MFAP3L: variants seen among roughly 807,000 people sequenced by gnomAD.
MFAP3L encodes microfibril associated protein 3 like.
A neutral mutation model predicts 20.0 loss-of-function variants in MFAP3L; 5 were observed. The observed-to-expected ratio is 0.25, with a 90% CI of 0.13 to 0.53. The LOEUF is 0.53. Among genes scored for constraint, MFAP3L ranks in the 20% least tolerant of loss-of-function variants. MFAP3L has a pLI of 0.96. For missense variants in MFAP3L, 409 were observed against 527.5 expected (o/e 0.78, Z 2.20); for synonymous variants, 219 against 213.0 (o/e 1.03, Z -0.25).
At chr4:170,009,668 T>C (rs1163906253) in intron 1 of MFAP3L, among the ~76,000 whole-genome samples, 18 of 152,200 alleles carry the variant, frequency 1.2e-4, no homozygotes, top group Non-Finnish European at 4.4e-5. Flanking sequence ...TTTCTATAAA[T>C]AGAACAAAAG....
chr4:170,008,123 A>G (rs569164823), intron 1 of MFAP3L, among the ~76,000 whole-genome samples: 64 of 152,258 alleles, frequency 4.2e-4, no homozygotes, highest in African/African-American at 1.5e-3. Flanking sequence ...AACACAGCCA[A>G]CTGTTCTGAA....
intron 1 of MFAP3L, among the ~76,000 whole-genome samples, chr4:170,018,512 A>G (rs1351695761): frequency 6.6e-6 from 1 of 152,192 alleles, no homozygotes; most frequent in Non-Finnish European, 1.5e-5. Flanking sequence ...AGAGGCGGCC[A>G]TAACTTGGAG....
chr4:170,011,181 T>C (rs907291882), intron 1 of MFAP3L, among the ~76,000 whole-genome samples: 2 of 152,190 alleles, frequency 1.3e-5, no homozygotes, highest in African/African-American at 4.8e-5. Context: ...GTGAATCAAT[T>C]AGACTTCTTT....
chr4:169,997,887 T>C (rs1226530422), intron 2 of MFAP3L: 3 of 838,130 alleles, frequency 3.6e-6, no homozygotes, highest in Non-Finnish European at 4.3e-6. Flanking sequence ...CTGGTAACAC[T>C]GTTGGAAGGA....
Position 169,990,965 on chromosome 4 carries a change from C to A in MFAP3L, c.*413G>T. 1 of 171,336 alleles carries A rather than the reference C, an allele frequency of 5.8e-6. No homozygotes were observed. The highest frequency in any genetic ancestry group is 1.7e-4 in the East Asian group (1 of 5,906). 10.6% of individuals were successfully genotyped at this position (171,336 alleles called of 1,614,324 possible). A position where few individuals can be genotyped will look rare whatever the true frequency, so the allele number is the denominator to read the frequency against. On this transcript the variant is annotated 3_prime_UTR_variant, in exon 3 of 3. Transcript: ENST00000361618. ...AAACTGAGAAGAAACTGCAAAAAAC[C>A]CACGTACGTGCATTTGCTATTGTAG...
intron 1 of MFAP3L, among the ~76,000 whole-genome samples, chr4:170,023,186 C>T (rs766567036): frequency 2.0e-5 from 3 of 152,160 alleles, no homozygotes; most frequent in East Asian, 1.9e-4. Context: ...TTCATTTCCC[C>T]GCCTCCTCAG....
chr4:169,998,488 C>G (rs112484592), intron 2 of MFAP3L, among the ~76,000 whole-genome samples: 10,746 of 152,284 alleles, frequency 0.071, 542 homozygotes, highest in Middle Eastern at 0.11. Context: ...ACTGTAATCA[C>G]AGCTTTTCTC....
chr4:170,001,996 C>G (rs1304042537), intron 2 of MFAP3L: 1 of 985,310 alleles, frequency 1.0e-6, no homozygotes, highest in Non-Finnish European at 1.2e-6. Context: ...TGAAATTGCT[C>G]CTTTCCAGGC....
chr4:170,006,078 C>T (rs947967567), intron 1 of MFAP3L, 68 bp from the exon 2 acceptor site: 34 of 1,224,606 alleles, frequency 2.8e-5, no homozygotes, highest in African/African-American at 6.1e-5. Flanking sequence ...ACACTATAAA[C>T]GGTTAGCAAT....
intron 1 of MFAP3L, among the ~76,000 whole-genome samples, chr4:170,019,383 C>CA (rs1739890209): frequency 6.6e-6 from 1 of 151,868 alleles, no homozygotes; most frequent in Non-Finnish European, 1.5e-5. Flanking sequence ...TTCATGTCTA[C>CA]AAAAAAATTA....
chr4:170,000,638 C>A (rs1048130771), intron 2 of MFAP3L, among the ~76,000 whole-genome samples: 4 of 152,296 alleles, frequency 2.6e-5, no homozygotes, highest in Admixed American at 1.3e-4. Context: ...TTATTCTTCT[C>A]AATTTCCAAT....
chr4:170,022,436 C>T (rs529907526), intron 1 of MFAP3L, among the ~76,000 whole-genome samples: 22 of 152,212 alleles, frequency 1.4e-4, no homozygotes, highest in Non-Finnish European at 2.8e-4. Flanking sequence ...TCACATGACA[C>T]TGAGCTCATC....
At chr4:170,024,004 C>A (rs1281365565) in intron 1 of MFAP3L, among the ~76,000 whole-genome samples, 1 of 152,116 alleles carries the variant, frequency 6.6e-6, no homozygotes, top group Admixed American at 6.5e-5. Flanking sequence ...GAAATCTAAA[C>A]ACATGGAAAT....
At chr4:170,019,166 T>A (rs1739878844) in intron 1 of MFAP3L, among the ~76,000 whole-genome samples, 3 of 152,216 alleles carry the variant, frequency 2.0e-5, no homozygotes, top group Admixed American at 6.5e-5. Context: ...GTCTGGCCTT[T>A]GGAGAAGAAA....
chr4:169,998,708 T>A (rs1371341058), intron 2 of MFAP3L, among the ~76,000 whole-genome samples: 1 of 152,218 alleles, frequency 6.6e-6, no homozygotes, highest in African/African-American at 2.4e-5. Context: ...CAATGAGTGG[T>A]ATAAACAGAT....
At chr4:170,022,708 G>A (rs982851844) in intron 1 of MFAP3L, among the ~76,000 whole-genome samples, 1 of 152,222 alleles carries the variant, frequency 6.6e-6, no homozygotes, top group Non-Finnish European at 1.5e-5. Context: ...GTCAGCGTCA[G>A]AGTGATGCCC....
At chr4:170,006,886 G>C (rs998701496) in intron 1 of MFAP3L, 1 of 152,242 alleles carries the variant, frequency 6.6e-6, no homozygotes, top group African/African-American at 2.4e-5. Flanking sequence ...CTGTGTTACT[G>C]TTACTTACGG....
chr4:170,016,618 C>T (rs1048508057), intron 1 of MFAP3L, among the ~76,000 whole-genome samples: 4 of 152,306 alleles, frequency 2.6e-5, no homozygotes, highest in East Asian at 3.9e-4. Flanking sequence ...CTGTCGTTGC[C>T]GCTGTTTACT....
intron 1 of MFAP3L, 103 bp from the exon 2 acceptor site, chr4:170,006,113 T>TA: frequency 1.3e-6 from 1 of 794,982 alleles, no homozygotes; most frequent in African/African-American, 2.0e-5. Context: ...AACATCAACA[T>TA]ACTTTTTTTT....
Sources: allele counts gnomAD v4.1 joint callset (sites outside exome capture counted in the v4.1 genomes callset), GRCh38; gene constraint gnomAD v4.1.1; transcripts MANE v1.5; gene names NCBI Gene and HGNC (gene_info 2026-07-23, HGNC 2026-07-21).